XKR4: variants seen among roughly 807,000 people sequenced by gnomAD.
XKR4 encodes XK-related protein 4.
Under a neutral mutation model 53.9 loss-of-function variants are expected in XKR4, and 12 were observed. That is an observed-to-expected ratio of 0.22 (90% CI 0.14 to 0.36). The LOEUF (loss-of-function observed/expected upper bound fraction) is 0.36, where lower values mean the gene tolerates loss of function less well. XKR4 is among the 10% of genes least tolerant of loss of function. The pLI, the probability that XKR4 is intolerant of heterozygous loss-of-function variation, is 1.00. For missense variants in XKR4, 799 were observed against 859.5 expected (o/e 0.93, Z 0.88); for synonymous variants, 354 against 362.4 (o/e 0.98, Z 0.26).
intron 2 of XKR4, among the ~76,000 whole-genome samples, chr8:55,423,491 G>A (rs1293508779): frequency 6.6e-6 from 1 of 152,212 alleles, no homozygotes; most frequent in Non-Finnish European, 1.5e-5. Flanking sequence ...ATTCTGAAGT[G>A]TGAGCCATCT....
chr8:55,366,912 C>T (rs1478174100), intron 2 of XKR4, among the ~76,000 whole-genome samples: 1 of 152,192 alleles, frequency 6.6e-6, no homozygotes, highest in Admixed American at 6.5e-5. Context: ...CACGCCACCA[C>T]CCACTACCAC....
chr8:55,425,127 C>T (rs753490837), intron 2 of XKR4, among the ~76,000 whole-genome samples: 5 of 152,090 alleles, frequency 3.3e-5, no homozygotes, highest in Non-Finnish European at 5.9e-5. Flanking sequence ...ACATAGAGGC[C>T]CTCAATAATA....
Position 55,449,875 on chromosome 8 carries a change from C to T in XKR4, c.1007-73406C>T. 8 of 933,736 alleles carry T rather than the reference C, an allele frequency of 8.6e-6. No individual in the cohort carries two copies. In the South Asian group the frequency reaches 1.0e-4, roughly 12 times the overall value. 57.8% of individuals were successfully genotyped at this position (933,736 alleles called of 1,614,324 possible). A position where few individuals can be genotyped will look rare whatever the true frequency, so the allele number is the denominator to read the frequency against. On this transcript the variant is annotated intron_variant, in intron 2 of 2. Coordinates refer to ENST00000327381, the MANE Select transcript of XKR4 (RefSeq NM_052898.2). Reference sequence around the variant, plus strand: ...CTGTCTGGAACTGGCTGTAAGGGTGCTGGTGCTGCCGCAGGCAGCCTGGCG... The same window carrying T: ...CTGTCTGGAACTGGCTGTAAGGGTGTTGGTGCTGCCGCAGGCAGCCTGGCG...
chr8:55,230,363 C>CTTTT (rs5891564), intron 1 of XKR4, among the ~76,000 whole-genome samples: 3,363 of 138,342 alleles, frequency 0.024, 111 homozygotes, highest in Middle Eastern at 0.069. Flanking sequence ...GAAAGAGACA[C>CTTTT]TTTTTTTTTT....
chr8:55,354,757 AC>A (rs1204980936), intron 1 of XKR4, among the ~76,000 whole-genome samples: 2 of 152,046 alleles, frequency 1.3e-5, no homozygotes, highest in Non-Finnish European at 2.9e-5. Flanking sequence ...ATAAGCAAAT[AC>A]CTCTAAATGA....
At chr8:55,334,980 A>T (rs193257085) in intron 1 of XKR4, among the ~76,000 whole-genome samples, 2 of 152,148 alleles carry the variant, frequency 1.3e-5, no homozygotes, top group African/African-American at 4.8e-5. Context: ...TTAGAGATGG[A>T]TAGCAGTGTA....
At chr8:55,244,494 T>A (rs1365752522) in intron 1 of XKR4, among the ~76,000 whole-genome samples, 2 of 152,208 alleles carry the variant, frequency 1.3e-5, no homozygotes, top group African/African-American at 4.8e-5. Flanking sequence ...TAATTCTATG[T>A]TTTTGCTATT....
At chr8:55,378,659 A>G (rs1804185213) in intron 2 of XKR4, among the ~76,000 whole-genome samples, 1 of 152,222 alleles carries the variant, frequency 6.6e-6, no homozygotes, top group Non-Finnish European at 1.5e-5. Flanking sequence ...GAAATTGCCT[A>G]TACTCACAAT....
chr8:55,500,812 G>C (rs2036620), intron 2 of XKR4, among the ~76,000 whole-genome samples: 2 of 152,000 alleles, frequency 1.3e-5, no homozygotes, highest in Admixed American at 1.3e-4. Flanking sequence ...AAATGAGAAT[G>C]CTGAAGCTCT....
Position 55,523,958 on chromosome 8 carries a change from A to C in XKR4, c.1684A>C (p.Lys562Gln). Residue 562 changes from lysine (K) to glutamine (Q), a missense_variant, in exon 3 of 3, where the codon AAA becomes CAA. Physicochemically the swap from Lys to Gln is moderately conservative, Grantham distance 53. Around this residue, in one of 3 missense-constraint regions of XKR4, gnomAD observed 269 missense variants for 264.4 expected, o/e 1.02. Coordinates refer to ENST00000327381, the MANE Select transcript of XKR4 (RefSeq NM_052898.2). The part of the protein sequence containing the change: ...NRSVVSDRDQ[K>Q]FAERDGCVPV... The stretch of plus-strand genomic sequence containing the variant: ...CAGTGTTGTCAGCGACCGCGATCAG[A>C]AATTCGCAGAGCGGGATGGGTGTGT... The C allele has an allele frequency of 6.2e-7, 1 of 1,614,166 alleles. No homozygotes were observed. The highest frequency in any genetic ancestry group is 8.5e-7 in the Non-Finnish European group (1 of 1,180,036).
At position 55,379,785 on chromosome 8, in the gene XKR4, C is replaced by T. The variant is rs77024827; in HGVS notation, c.1006+21908C>T. On this transcript the variant is annotated intron_variant, in intron 2 of 2. Coordinates refer to ENST00000327381, the MANE Select transcript of XKR4 (RefSeq NM_052898.2). ...GGAGCATAGGGTTCCAGGGCATCTT[C>T]GGGTGGGTCCTGGGGCAGAGGCCCT... Among the ~76,000 whole-genome samples the T allele has an allele frequency of 1.4e-3, 216 of 152,334 alleles. 4 individuals carry two copies. In the East Asian group the frequency reaches 0.04, roughly 28 times the overall value.
At position 55,102,933 on chromosome 8, in the gene XKR4, C is replaced by G. The variant is rs763534137; in HGVS notation, c.445C>G (p.Leu149Val). 1.4e-5 allele frequency: 22 copies of G among 1,611,628 alleles called. No individual in the cohort carries two copies. Among genetic ancestry groups the G allele is most frequent in the Non-Finnish European group, 1.9e-5 (22 of 1,179,882 alleles). ...CCAGCGCTGGTGGTTCGGGCTCACG[C>G]TCTTCTTCGTGGTGCTCGGCTCTCT... ...RGQRWWFGLT[L>V]FFVVLGSLSV... Residue 149 changes from leucine (L) to valine (V), a missense_variant, in exon 1 of 3, where the codon CTC (leucine) becomes GTC (valine). Around this residue, in one of 3 missense-constraint regions of XKR4, gnomAD observed 476 missense variants for 505.4 expected, o/e 0.94. Transcript: ENST00000327381. The surrounding 1 kb of genome is among the most constrained non-coding windows in gnomAD (Gnocchi z 5.1).
chr8:55,308,591 G>A (rs1819344342), intron 1 of XKR4, among the ~76,000 whole-genome samples: 1 of 152,186 alleles, frequency 6.6e-6, no homozygotes, highest in African/African-American at 2.4e-5. Flanking sequence ...TTTGCTATGA[G>A]ATTTGGGTGG....
Position 55,191,846 on chromosome 8 carries a change from T to G in XKR4, c.806+88552T>G, listed in dbSNP as rs142896358. On this transcript the variant is annotated intron_variant, in intron 1 of 2. Coordinates refer to ENST00000327381, the MANE Select transcript of XKR4 (RefSeq NM_052898.2). ...TGACTTTAATATCCACAGCTGCCAT[T>G]CCTAAAAGTATCACTCTATGGCCTT... Among the ~76,000 whole-genome samples, 444 of 152,252 alleles carry G rather than the reference T, an allele frequency of 2.9e-3. 1 individual carries two copies. Among genetic ancestry groups the G allele is most frequent in the African/African-American group, 9.9e-3 (410 of 41,568 alleles).
At chr8:55,441,409 T>C (rs900012950) in intron 2 of XKR4, among the ~76,000 whole-genome samples, 18 of 151,194 alleles carry the variant, frequency 1.2e-4, no homozygotes, top group Admixed American at 2.6e-4. Flanking sequence ...TGAGGAGAAA[T>C]TGACATATTT....
chr8:55,303,066 T>G (rs994714295), intron 1 of XKR4, among the ~76,000 whole-genome samples: 3 of 152,344 alleles, frequency 2.0e-5, no homozygotes, highest in African/African-American at 7.2e-5. Flanking sequence ...GGCATCCATG[T>G]CTTGTGCCCG....
chr8:55,154,521 C>T (rs1012487751), intron 1 of XKR4, among the ~76,000 whole-genome samples: 1 of 152,144 alleles, frequency 6.6e-6, no homozygotes, highest in African/African-American at 2.4e-5. Context: ...ATGCCAGTGA[C>T]ATCAGTTATT....
chr8:55,322,545 T>C (rs113586881), intron 1 of XKR4, among the ~76,000 whole-genome samples: 1 of 152,242 alleles, frequency 6.6e-6, no homozygotes, highest in South Asian at 2.1e-4. Context: ...ATTTGCCTGA[T>C]ATTTTAAAAT....
chr8:55,437,339 C>G (rs984781002), intron 2 of XKR4, among the ~76,000 whole-genome samples: 1 of 151,982 alleles, frequency 6.6e-6, no homozygotes, highest in Admixed American at 6.6e-5. Flanking sequence ...CCTCAATTTT[C>G]AATATTAAGG....
Sources: gnomAD v4.1 joint callset for allele counts (sites outside exome capture counted in the v4.1 genomes callset) on GRCh38, gnomAD v4.1.1 for gene constraint, gnomAD v4.1.1 regional missense constraint, Gnocchi (gnomAD v3.1) non-coding constraint, MANE v1.5 for transcripts, NCBI Gene and HGNC (gene_info 2026-07-23, HGNC 2026-07-21) for gene names.